Variants in PDE10A observed in about 807,000 individuals in gnomAD.
PDE10A encodes the protein phosphodiesterase 10A, also known as cAMP and cAMP-inhibited cGMP 3',5'-cyclic phosphodiesterase 10A.
Under a neutral mutation model 97.7 loss-of-function variants are expected in PDE10A, and 39 were observed. The observed-to-expected ratio is 0.40, with a 90% CI of 0.31 to 0.52. The LOEUF (loss-of-function observed/expected upper bound fraction) is 0.52. PDE10A is among the 20% of genes least tolerant of loss of function. The pLI is 0.56. For synonymous variants in PDE10A, 371 were observed against 376.8 expected (o/e 0.98, Z 0.18); for missense variants, 731 against 1,047.8 (o/e 0.70, Z 4.17).
At chr6:165,503,950 T>C (rs1239027333) in intron 2 of PDE10A, among the ~76,000 whole-genome samples, 1 of 152,254 alleles carries the variant, frequency 6.6e-6, no homozygotes, top group African/African-American at 2.4e-5. Flanking sequence ...ATCTTGCTAC[T>C]GTATTTCCAC....
chr6:165,344,590 G>C (rs1782187266), intron 18 of PDE10A, among the ~76,000 whole-genome samples: 1 of 152,126 alleles, frequency 6.6e-6, no homozygotes, highest in Admixed American at 6.5e-5. Flanking sequence ...AGCACATTAG[G>C]AGCATCCATC....
intron 18 of PDE10A, among the ~76,000 whole-genome samples, chr6:165,345,346 A>C (rs1052704211): frequency 2.0e-5 from 3 of 152,228 alleles, no homozygotes; most frequent in African/African-American, 7.2e-5. Context: ...CACTGTCAAA[A>C]TTACTTAGAC....
chr6:165,374,210 C>A (rs1338887355), intron 18 of PDE10A, among the ~76,000 whole-genome samples: 2 of 150,524 alleles, frequency 1.3e-5, no homozygotes, highest in African/African-American at 4.9e-5. Context: ...TGCACATGTA[C>A]CCTAAAACTT....
chr6:165,698,233 C>T lies in PDE10A; in HGVS notation c.-614-154665G>A, dbSNP rs187857706. Among the ~76,000 whole-genome samples the T allele has an allele frequency of 4.8e-3, 726 of 152,274 alleles. 5 individuals are homozygous for T. The highest frequency in any genetic ancestry group is 6.8e-3 in the Middle Eastern group (2 of 294). ...CTGCTCAAGGCTGCTTGAGTTGAGG[C>T]AGTTACAGGAAAAGCAGGACCTCCT... On this transcript the variant is annotated intron_variant, in intron 1 of 19. Transcript: ENST00000366882.
intron 1 of PDE10A, among the ~76,000 whole-genome samples, chr6:165,985,434 G>T (rs1785162222): frequency 6.6e-6 from 1 of 152,112 alleles, no homozygotes; most frequent in Non-Finnish European, 1.5e-5. Flanking sequence ...GTTATTCTAG[G>T]CAAAGAAGTA....
intron 1 of PDE10A, among the ~76,000 whole-genome samples, chr6:165,958,747 G>A (rs150631408): frequency 9.4e-6 from 1 of 106,134 alleles, no homozygotes; most frequent in Non-Finnish European, 2.0e-5. Flanking sequence ...AAGAAAGAAA[G>A]AGAAAGAAAG....
intron 2 of PDE10A, among the ~76,000 whole-genome samples, chr6:165,495,974 C>T (rs537557): frequency 0.39 from 58,572 of 151,732 alleles, 14,763 homozygotes; most frequent in African/African-American, 0.72. Flanking sequence ...GTTGGAAATG[C>T]TTGGTTGGGA....
intron 17 of PDE10A, among the ~76,000 whole-genome samples, chr6:165,382,736 A>AC (rs1364244365): frequency 9.7e-6 from 1 of 103,550 alleles, no homozygotes; most frequent in Non-Finnish European, 1.9e-5. Flanking sequence ...AATAGTGATG[A>AC]TTGATGATGA....
chr6:165,404,753 G>T (rs1786982351), intron 13 of PDE10A, among the ~76,000 whole-genome samples: 1 of 152,074 alleles, frequency 6.6e-6, no homozygotes, highest in Non-Finnish European at 1.5e-5. Context: ...CTTACTGAGA[G>T]ATTTAAAATA....
At chr6:165,833,247 T>C (rs750540685) in intron 1 of PDE10A, among the ~76,000 whole-genome samples, 15 of 152,136 alleles carry the variant, frequency 9.9e-5, no homozygotes, top group Non-Finnish European at 2.1e-4. Flanking sequence ...CGTTCAGAGG[T>C]CCTTGACAAG....
intron 1 of PDE10A, among the ~76,000 whole-genome samples, chr6:165,554,990 G>A (rs939202262): frequency 6.6e-6 from 1 of 152,104 alleles, no homozygotes; most frequent in African/African-American, 2.4e-5. Context: ...CATGGACACA[G>A]TGAGTAAAAG....
rs559600328 is a variant in PDE10A, at chr6:165,455,399, G to A, written c.1024-5037C>T. On this transcript the variant is annotated intron_variant, in intron 3 of 21. Transcript: ENST00000539869. The stretch of plus-strand genomic sequence containing the variant: ...CATACTCAGCAGCAGACAGAACTCC[G>A]CACTGAAGGATCCCCACGTAGGAAG... Among the ~76,000 whole-genome samples the A allele has an allele frequency of 2.8e-4, 42 of 152,244 alleles. No homozygotes were observed. The South Asian group carries it at 6.0e-3, about 22-fold the overall frequency.
chr6:165,857,380 A>G (rs1431820685), intron 1 of PDE10A, among the ~76,000 whole-genome samples: 2 of 152,228 alleles, frequency 1.3e-5, no homozygotes, highest in Non-Finnish European at 2.9e-5. Context: ...CATTCCTTCC[A>G]CAATGCTCAG....
At chr6:165,522,394 A>G (rs1323528909) in intron 2 of PDE10A, among the ~76,000 whole-genome samples, 1 of 152,182 alleles carries the variant, frequency 6.6e-6, no homozygotes. Context: ...AGATGGAAAA[A>G]TCCTCAACAA....
intron 1 of PDE10A, among the ~76,000 whole-genome samples, chr6:165,791,823 C>T (rs1305570248): frequency 2.6e-5 from 4 of 152,180 alleles, no homozygotes; most frequent in Admixed American, 6.5e-5. Flanking sequence ...GTAGGGACAG[C>T]GTGAGAAGAA....
At chr6:165,578,327 A>T (rs1463217828) in intron 1 of PDE10A, among the ~76,000 whole-genome samples, 2 of 151,772 alleles carry the variant, frequency 1.3e-5, no homozygotes, top group East Asian at 3.9e-4. Context: ...ACTCCTCCCC[A>T]TGGTCCCTAC....
In PDE10A at chr6:165,868,124, G is replaced by A. The variant is rs139177202; in HGVS notation, c.-615+119405C>T. Among the ~76,000 whole-genome samples the A allele has an allele frequency of 9.6e-4, 145 of 151,832 alleles. 1 individual carries two copies. In the East Asian group the frequency reaches 0.025, roughly 26 times the overall value. The stretch of plus-strand genomic sequence containing the variant: ...ACAATGCACCTAACTAGAAAAGGAA[G>A]AACAAACCAAACCCAAAATTGGTAC... On this transcript the variant is annotated intron_variant, in intron 1 of 19. Coordinates refer to the PDE10A transcript ENST00000366882.
intron 3 of PDE10A, among the ~76,000 whole-genome samples, chr6:165,453,135 A>C (rs1777737392): frequency 6.6e-6 from 1 of 152,230 alleles, no homozygotes; most frequent in African/African-American, 2.4e-5. Flanking sequence ...CTTAAGGGCA[A>C]TGAACTCAAG....
intron 5 of PDE10A, among the ~76,000 whole-genome samples, chr6:165,444,102 G>A (rs1401585048): frequency 6.6e-6 from 1 of 152,030 alleles, no homozygotes; most frequent in Admixed American, 6.6e-5. Context: ...ATATGACTGT[G>A]CAAGGCTAGG....
Sources: allele counts gnomAD v4.1 joint callset (sites outside exome capture counted in the v4.1 genomes callset), GRCh38; gene constraint gnomAD v4.1.1; transcripts MANE v1.5; gene names NCBI Gene and HGNC (gene_info 2026-07-23, HGNC 2026-07-21).